The following HK1 variants were observed in gnomAD, a reference collection of about 807,000 sequenced individuals.
The protein encoded by HK1 is hexokinase 1, also known as hexokinase-1.
Under a neutral mutation model 91.6 loss-of-function variants are expected in HK1, and 28 were observed. The ratio of observed to expected loss-of-function variants is 0.31; its 90% CI spans 0.23 to 0.42. HK1 has a LOEUF of 0.42. Among genes scored for constraint, HK1 ranks in the 10% least tolerant of loss-of-function variants. HK1 has a pLI of 1.00. For synonymous variants in HK1, 430 were observed against 468.1 expected (o/e 0.92, Z 1.05); for missense variants, 770 against 1,219.8 (o/e 0.63, Z 5.49).
rs140070376 is a variant in HK1 at position 69,351,977 on chromosome 10, A to G, written c.227-7920A>G. 9.9e-4 allele frequency among the ~76,000 whole-genome samples: 149 copies of G among 150,974 alleles called. 1 individual carries two copies. The highest frequency in any genetic ancestry group is 6.9e-3 in the Middle Eastern group (2 of 290). ...GAGGAGCTACTTCATACTGAATTCA[A>G]TTTTTTCAGTTATTTCAATTTTTTT... On this transcript the variant is annotated intron_variant, in intron 2 of 17. Transcript: ENST00000359426.
At chr10:69,347,854 C>G (rs1564530486) in intron 2 of HK1, among the ~76,000 whole-genome samples, 1 of 152,082 alleles carries the variant, frequency 6.6e-6, no homozygotes, top group Non-Finnish European at 1.5e-5. Context: ...GGAGGGTCTG[C>G]GTGGTCTTTA....
intron 12 of HK1, among the ~76,000 whole-genome samples, chr10:69,385,617 G>C (rs1241787819): frequency 2.0e-5 from 3 of 152,196 alleles, no homozygotes; most frequent in African/African-American, 7.2e-5. Context: ...GTGGAGACGT[G>C]ACCAGGCAGG....
intron 8 of HK1, 50 bp downstream of exon 8, chr10:69,377,139 G>T (rs374633415): frequency 6.2e-7 from 1 of 1,606,664 alleles, no homozygotes; most frequent in South Asian, 1.1e-5. Context: ...GCAGAGAAGA[G>T]CAATTGGTCC....
At chr10:69,326,148 T>A (rs998404365) in intron 1 of HK1, among the ~76,000 whole-genome samples, 1 of 151,396 alleles carries the variant, frequency 6.6e-6, no homozygotes, top group Non-Finnish European at 1.5e-5. Flanking sequence ...TTTTTTTTTT[T>A]AATGGCTTTT....
chr10:69,340,645 G>A (rs1289688768), intron 1 of HK1, among the ~76,000 whole-genome samples: 5 of 152,014 alleles, frequency 3.3e-5, no homozygotes, highest in African/African-American at 9.7e-5. Flanking sequence ...CTCCTGCCTC[G>A]GCCTCCCAAA....
rs146790929 is a variant in HK1 at position 69,345,674 on chromosome 10, CA to C, written c.226+1686del. 9.0e-4 allele frequency among the ~76,000 whole-genome samples: 137 copies of C among 152,262 alleles called. 2 individuals are homozygous for C. In the East Asian group the frequency reaches 0.023, roughly 26 times the overall value. On this transcript the variant is annotated intron_variant, in intron 2 of 17. Coordinates refer to ENST00000359426, the MANE Select transcript of HK1 (RefSeq NM_000188.3). The stretch of plus-strand genomic sequence containing the variant: ...CTGTGTGACTGGCTCAGGGCAGACA[CA>C]GGGGAGGAGACACTTTGCCTCCTAC...
intron 5 of HK1, among the ~76,000 whole-genome samples, chr10:69,310,290 G>A (rs1846308065): frequency 6.6e-6 from 1 of 151,536 alleles, no homozygotes; most frequent in African/African-American, 2.4e-5. Context: ...GTGTGGTGGT[G>A]GATGCCTCTA....
At chr10:69,335,567 T>G (rs1847936094) in intron 1 of HK1, among the ~76,000 whole-genome samples, 1 of 152,202 alleles carries the variant, frequency 6.6e-6, no homozygotes, top group Non-Finnish European at 1.5e-5. Context: ...GAGCTTGCTG[T>G]CCACCCCAGT....
chr10:69,344,335 T>G lies in HK1; in HGVS notation c.226+346T>G, dbSNP rs548799685. Among the ~76,000 whole-genome samples, 3 of 152,350 alleles carry G rather than the reference T, an allele frequency of 2.0e-5. No homozygotes were observed. In the East Asian group the frequency reaches 5.8e-4, roughly 29 times the overall value. On this transcript the variant is annotated intron_variant, in intron 2 of 17. Coordinates refer to ENST00000359426, the MANE Select transcript of HK1 (RefSeq NM_000188.3). The stretch of plus-strand genomic sequence containing the variant: ...TGGGTCTCGCAGATACTGTGTGGGT[T>G]GCTCTTATGTCTTCAGAACATGAAG...
At chr10:69,395,798 G>A (rs1840108248) in intron 16 of HK1, among the ~76,000 whole-genome samples, 1 of 152,144 alleles carries the variant, frequency 6.6e-6, no homozygotes, top group African/African-American at 2.4e-5. Context: ...AGGAGCTGAT[G>A]CCCCTCAGCA....
At position 69,359,944 on chromosome 10, in the gene HK1, A is replaced by C. The variant is rs1415496318; in HGVS notation, c.274A>C (p.Ile92Leu). 6.2e-7 allele frequency: 1 copy of C among 1,614,158 alleles called. No individual in the cohort carries two copies. The highest frequency in any genetic ancestry group is 1.1e-5 in the South Asian group (1 of 91,074). ...GGATCTTGGTGGGTCTTCCTTTCGA[A>C]TTCTGCGGGTGCAAGTGAATCATGA... ...ALDLGGSSFR[I>L]LRVQVNHEKN... The change falls in exon 3 of 18, where the codon ATT becomes CTT. Residue 92 changes from isoleucine to leucine, a missense_variant. By Grantham distance (5) the Ile-to-Leu change is conservative. This residue lies in a region of HK1 where 449 missense variants were observed against 665.1 expected (regional missense o/e 0.68). Transcript: ENST00000359426.
chr10:69,335,907 G>A (rs1300537606), intron 1 of HK1, among the ~76,000 whole-genome samples: 2 of 152,304 alleles, frequency 1.3e-5, no homozygotes, highest in Admixed American at 6.5e-5. Context: ...TTGAGTCTTA[G>A]AGAGTGTCTG....
rs1845695295 is a variant in HK1 at position 69,298,651 on chromosome 10, C to G, written c.-66-2118C>G. On this transcript the variant is annotated intron_variant, in intron 4 of 21. Transcript: ENST00000360289. ...TTAAAAGGAAAAAAAAAAGTAGAAG[C>G]TTTTGAAGCTAACACAAATGAACAA... Among the ~76,000 whole-genome samples the G allele has an allele frequency of 3.3e-5, 5 of 151,598 alleles. No homozygotes were observed. The South Asian group carries it at 1.0e-3, about 31-fold the overall frequency.
intron 13 of HK1, among the ~76,000 whole-genome samples, chr10:69,387,401 G>A (rs1188362771): frequency 6.6e-6 from 1 of 152,076 alleles, no homozygotes; most frequent in African/African-American, 2.4e-5. Context: ...CGATCCTCCC[G>A]CTTCAGCCTC....
intron 8 of HK1, among the ~76,000 whole-genome samples, chr10:69,378,849 C>A (rs924123863): frequency 5.3e-5 from 8 of 152,162 alleles, no homozygotes; most frequent in Non-Finnish European, 1.2e-4. Context: ...ACATCCCAAG[C>A]TTCCTTTCCT....
intron 2 of HK1, among the ~76,000 whole-genome samples, chr10:69,353,989 C>T (rs189558220): frequency 2.8e-4 from 43 of 152,288 alleles, no homozygotes; most frequent in African/African-American, 1.0e-3. Flanking sequence ...AGGGCAGCCT[C>T]GTGTGAACGA....
intron 4 of HK1, among the ~76,000 whole-genome samples, chr10:69,299,252 AGCCTCCACCCCGTGG>A (rs1564763379): frequency 6.8e-6 from 1 of 147,328 alleles, no homozygotes; most frequent in South Asian, 2.2e-4. Flanking sequence ...GGCTCACTGC[AGCCTCCACCCCGTGG>A]GCTCAAGTGA....
At chr10:69,296,442 T>A (rs7914134) in intron 4 of HK1, 117,926 of 152,126 alleles carry the variant, frequency 0.78, 46,620 homozygotes, top group Non-Finnish European at 0.87. Context: ...TTGCGTAGCT[T>A]TATTCTTGTT....
chr10:69,373,619 A>G (rs1564550811), intron 7 of HK1, among the ~76,000 whole-genome samples: 1 of 143,350 alleles, frequency 7.0e-6, no homozygotes, highest in African/African-American at 2.6e-5. Flanking sequence ...GAGACAGGGT[A>G]TCACTCTGTT....
Sources: allele counts gnomAD v4.1 joint callset (sites outside exome capture counted in the v4.1 genomes callset), GRCh38; gene constraint gnomAD v4.1.1; regional missense constraint gnomAD v4.1.1; transcripts MANE v1.5; gene names NCBI Gene and HGNC (gene_info 2026-07-23, HGNC 2026-07-21).